The following PPP1R21 variants were observed in gnomAD, a reference collection of about 807,000 sequenced individuals.
PPP1R21 encodes the protein protein phosphatase 1 regulatory subunit 21, also known as KLRAQ motif containing 1.
PPP1R21 carries 85 observed loss-of-function variants against 112.8 expected under a neutral mutation model. The observed-to-expected ratio is 0.75, with a 90% CI of 0.63 to 0.90. The LOEUF (loss-of-function observed/expected upper bound fraction) is 0.90. Ranked by LOEUF, PPP1R21 falls within the 40% of genes least tolerant of loss-of-function variation. The pLI is 0.00. For synonymous variants in PPP1R21, 381 were observed against 322.3 expected, an observed-to-expected ratio of 1.18 and a Z score of -1.95; for missense variants, 1,199 against 901.5, an observed-to-expected ratio of 1.33 and a Z score of -4.23.
chr2:48,468,285 A>G (rs892381518), intron 9 of PPP1R21, among the ~76,000 whole-genome samples: 6 of 152,340 alleles, frequency 3.9e-5, no homozygotes, highest in Middle Eastern at 3.4e-3. Flanking sequence ...ATTAGCTCTT[A>G]GGATCATCAT....
rs1310675378 is a variant in PPP1R21, at chr2:48,459,868, A to C, written c.490A>C (p.Lys164Gln). Residue 164 changes from lysine to glutamine, a missense_variant, in exon 5 of 22, where the codon AAG (lysine) becomes CAG (glutamine). Coordinates refer to ENST00000294952, the MANE Select transcript of PPP1R21 (RefSeq NM_001135629.3). ...HQAVVDGLTR[K>Q]YMETIEKLQN... ...AGCTGTGGTTGACGGTCTCACCCGGAAGTACATGGAAACCATTGAGAAGCT... is the reference window on the plus strand; with the variant it reads ...AGCTGTGGTTGACGGTCTCACCCGGCAGTACATGGAAACCATTGAGAAGCT... The C allele has an allele frequency of 5.0e-6, 8 of 1,614,208 alleles. No homozygotes were observed. The highest frequency in any genetic ancestry group is 2.5e-6 in the Non-Finnish European group (3 of 1,180,042).
rs1406504306 is a variant in PPP1R21, at chr2:48,510,020, A to C, written c.2091A>C (p.Arg697=). The C allele has an allele frequency of 1.2e-6, 2 of 1,611,856 alleles. No homozygotes were observed. The highest frequency in any genetic ancestry group is 1.7e-6 in the Non-Finnish European group (2 of 1,178,316). The change falls in exon 20 of 22, where the codon CGA becomes CGC. Residue 697 remains arginine (R), a synonymous_variant. Transcript: ENST00000294952. ...SKSVHFYAEC[R]ALSKRLALAE... is the part of the protein sequence containing the mutation. ...AATGTTTTCTGATTTTACAGTGCCGAGCACTGTCTAAAAGACTGGCCTTGG... is the reference window on the plus strand; with the variant it reads ...AATGTTTTCTGATTTTACAGTGCCGCGCACTGTCTAAAAGACTGGCCTTGG...
intron 6 of PPP1R21, 70 bp downstream of exon 6, chr2:48,460,223 A>C: frequency 6.9e-7 from 1 of 1,451,478 alleles, no homozygotes; most frequent in Non-Finnish European, 9.6e-7. Context: ...TGGTTGTAGC[A>C]GCTCCTCTGT....
intron 9 of PPP1R21, among the ~76,000 whole-genome samples, chr2:48,470,337 G>T (rs1174011696): frequency 6.6e-6 from 1 of 151,976 alleles, no homozygotes; most frequent in East Asian, 1.9e-4. Context: ...GGCCAACATG[G>T]TGAAAGCCCG....
chr2:48,464,153 T>C (rs1054447601), intron 7 of PPP1R21, among the ~76,000 whole-genome samples: 3 of 152,162 alleles, frequency 2.0e-5, no homozygotes, highest in African/African-American at 4.8e-5. Flanking sequence ...AGATGGCTGA[T>C]AGAAGTGTCC....
intron 15 of PPP1R21, among the ~76,000 whole-genome samples, chr2:48,494,340 G>A (rs1021096838): frequency 6.1e-5 from 9 of 148,758 alleles, no homozygotes; most frequent in Non-Finnish European, 1.3e-4. Context: ...AGCCTAGCCT[G>A]CCTTAAATGT....
intron 13 of PPP1R21, among the ~76,000 whole-genome samples, chr2:48,485,312 A>G (rs1368434453): frequency 1.3e-5 from 2 of 152,180 alleles, no homozygotes; most frequent in Admixed American, 6.5e-5. Flanking sequence ...AAATGTAAAA[A>G]AAAAAACAAA....
intron 11 of PPP1R21, among the ~76,000 whole-genome samples, chr2:48,471,636 G>T (rs1668499534): frequency 6.6e-6 from 1 of 152,148 alleles, no homozygotes; most frequent in Non-Finnish European, 1.5e-5. Context: ...ACACCTAGAT[G>T]GGTGTTCATA....
At chr2:48,502,505 T>C (rs531934491) in intron 17 of PPP1R21, among the ~76,000 whole-genome samples, 1 of 152,124 alleles carries the variant, frequency 6.6e-6, no homozygotes, top group Admixed American at 6.5e-5. Context: ...TGTGTGGCTG[T>C]GTATGTGTGT....
intron 4 of PPP1R21, among the ~76,000 whole-genome samples, chr2:48,458,579 C>CTTT (rs80280182): frequency 0.016 from 2,226 of 137,374 alleles, 54 homozygotes; most frequent in African/African-American, 0.054. Context: ...CTCCCCCTCC[C>CTTT]TTTTTTTTTT....
chr2:48,461,927 G>C lies in PPP1R21; in HGVS notation c.694+695G>C, dbSNP rs1478750567. Among the ~76,000 whole-genome samples, 3 of 151,618 alleles carry C rather than the reference G, an allele frequency of 2.0e-5. No homozygotes were observed. In the South Asian group the frequency reaches 6.2e-4, roughly 31 times the overall value. On this transcript the variant is annotated intron_variant, in intron 7 of 21. Coordinates refer to ENST00000294952, the MANE Select transcript of PPP1R21 (RefSeq NM_001135629.3). The stretch of plus-strand genomic sequence containing the variant: ...TTTTTTTAGGGAAGACCTAAAAAAA[G>C]AGGAAGAAAAAAAAAGAAAAATAGC...
At chr2:48,488,563 G>A (rs988718194) in intron 14 of PPP1R21, among the ~76,000 whole-genome samples, 1 of 151,924 alleles carries the variant, frequency 6.6e-6, no homozygotes, top group African/African-American at 2.4e-5. Flanking sequence ...GTAGAGACGG[G>A]ATTTCACCAT....
chr2:48,510,179 G>A, intron 20 of PPP1R21, 66 bp downstream of exon 20: 1 of 1,220,164 alleles, frequency 8.2e-7, no homozygotes, highest in Non-Finnish European at 1.2e-6. Flanking sequence ...TAGCAAAGCA[G>A]CATTTCTTTT....
At chr2:48,458,102 G>A (rs754944315) in intron 3 of PPP1R21, 24 bp from the exon 4 acceptor site, 69 of 1,448,808 alleles carry the variant, frequency 4.8e-5, no homozygotes, top group Non-Finnish European at 6.5e-5. Flanking sequence ...AAGTTATGTG[G>A]ACATAACTTA....
At chr2:48,462,704 A>G (rs1352969615) in intron 7 of PPP1R21, among the ~76,000 whole-genome samples, 1 of 151,860 alleles carries the variant, frequency 6.6e-6, no homozygotes, top group Non-Finnish European at 1.5e-5. Context: ...AGGACTGGGA[A>G]CTTCATTCAT....
chr2:48,506,125 C>T (rs560535142), intron 18 of PPP1R21, among the ~76,000 whole-genome samples: 17 of 152,310 alleles, frequency 1.1e-4, no homozygotes, highest in African/African-American at 3.8e-4. Flanking sequence ...GACAGAGTCT[C>T]ATTATATTGC....
At chr2:48,511,527 T>C (rs1670641976) in intron 21 of PPP1R21, 59 bp downstream of exon 21, 1 of 1,582,890 alleles carries the variant, frequency 6.3e-7, no homozygotes, top group Non-Finnish European at 8.6e-7. Context: ...TGAGGTATTT[T>C]ATTGTTATGC....
intron 9 of PPP1R21, among the ~76,000 whole-genome samples, chr2:48,469,443 TAGAG>T (rs1553339225): frequency 4.1e-5 from 3 of 72,668 alleles, no homozygotes; most frequent in Non-Finnish European, 5.8e-5. Context: ...TATATATATA[TAGAG>T]AGAGCATATA....
Position 48,459,797 on chromosome 2 carries a change from T to A in PPP1R21, c.419T>A (p.Leu140Gln). ...DEQHKHVEAE[L>Q]RSRLATLETE... is the part of the protein sequence containing the mutation. ...CAGCACAAGCATGTGGAAGCAGAGC[T>A]GAGGAGTCGACTGGCCACTCTGGAG... The change falls in exon 5 of 22, where the codon CTG (leucine) becomes CAG (glutamine). Residue 140 changes from leucine to glutamine, a missense_variant. By Grantham distance (113) the Leu-to-Gln change is moderately radical. Transcript: ENST00000294952. The A allele has an allele frequency of 6.2e-7, 1 of 1,614,034 alleles. No homozygotes were observed. Among genetic ancestry groups the A allele is most frequent in the Non-Finnish European group, 8.5e-7 (1 of 1,180,038 alleles).
Sources: allele counts gnomAD v4.1 joint callset (sites outside exome capture counted in the v4.1 genomes callset), GRCh38; gene constraint gnomAD v4.1.1; transcripts MANE v1.5; gene names NCBI Gene and HGNC (gene_info 2026-07-23, HGNC 2026-07-21).